Variants in CTNNA2 observed in about 807,000 individuals in gnomAD.
CTNNA2 encodes the protein catenin alpha-2.
CTNNA2 carries 42 observed loss-of-function variants against 101.0 expected under a neutral mutation model. That is an observed-to-expected ratio of 0.42 (90% CI 0.32 to 0.54). The LOEUF (loss-of-function observed/expected upper bound fraction) is 0.54, where lower values mean the gene tolerates loss of function less well. Ranked by LOEUF, CTNNA2 falls within the 20% of genes least tolerant of loss-of-function variation. The probability of loss-of-function intolerance (pLI) is 0.14; values close to 1 mark genes in which losing one functional copy is unlikely to be tolerated. For missense variants in CTNNA2, 871 were observed against 1,223.1 expected, an observed-to-expected ratio of 0.71 and a Z score of 4.29; for synonymous variants, 450 against 456.4, an observed-to-expected ratio of 0.99 and a Z score of 0.18.
Position 80,608,193 on chromosome 2 carries a change from T to G in CTNNA2, c.2305T>G (p.Ser769Ala). 6.2e-7 allele frequency: 1 copy of G among 1,609,766 alleles called. No individual in the cohort carries two copies. The highest frequency in any genetic ancestry group is 8.5e-7 in the Non-Finnish European group (1 of 1,177,006). The change falls in exon 17 of 19, where the codon TCA becomes GCA. Residue 769 changes from serine to alanine, a missense_variant. Coordinates refer to ENST00000402739, the MANE Select transcript of CTNNA2 (RefSeq NM_001282597.3). ...TTTTAATGTTTTATAGTGTCCTGAT[T>G]CAGCATGTAAGCAGGATTTATTAGC... is the stretch of plus-strand genomic sequence containing the variant. ...ARAVADQCPD[S>A]ACKQDLLAYL... is the part of the protein sequence containing the mutation.
intron 4 of CTNNA2, among the ~76,000 whole-genome samples, chr2:79,458,739 C>T (rs1397007521): frequency 6.6e-6 from 1 of 152,216 alleles, no homozygotes; most frequent in East Asian, 1.9e-4. Context: ...TAACCTTACC[C>T]ATTTTATTTT....
intron 2 of CTNNA2, among the ~76,000 whole-genome samples, chr2:79,657,250 A>T (rs1405743200): frequency 6.6e-6 from 1 of 151,936 alleles, no homozygotes; most frequent in Non-Finnish European, 1.5e-5. Flanking sequence ...GTAAATGAGA[A>T]AGCAGAAGTA....
At chr2:80,394,972 C>T (rs1677869532) in intron 8 of CTNNA2, among the ~76,000 whole-genome samples, 1 of 131,380 alleles carries the variant, frequency 7.6e-6, no homozygotes, top group Non-Finnish European at 1.5e-5. Flanking sequence ...GTAGTGATTA[C>T]ATTTTTTTTT....
intron 7 of CTNNA2, among the ~76,000 whole-genome samples, chr2:80,347,693 A>C (rs962499228): frequency 6.6e-6 from 1 of 152,002 alleles, no homozygotes; most frequent in African/African-American, 2.4e-5. Flanking sequence ...TAGGGTTGCT[A>C]CTCAAAGTGT....
At chr2:80,173,994 A>G (rs1705237729) in intron 7 of CTNNA2, among the ~76,000 whole-genome samples, 1 of 152,188 alleles carries the variant, frequency 6.6e-6, no homozygotes, top group East Asian at 1.9e-4. Flanking sequence ...AAGAAATGCT[A>G]AAGGATCCAT....
At chr2:80,337,616 A>C (rs57895601) in intron 7 of CTNNA2, among the ~76,000 whole-genome samples, 59,660 of 151,544 alleles carry the variant, frequency 0.39, 14,345 homozygotes, top group African/African-American at 0.68. Context: ...CACACACACA[A>C]ATACACACAC....
At chr2:80,309,515 T>C (rs1233421747) in intron 7 of CTNNA2, among the ~76,000 whole-genome samples, 1 of 152,124 alleles carries the variant, frequency 6.6e-6, no homozygotes, top group African/African-American at 2.4e-5. Context: ...AAAAAGACCT[T>C]GTTGGGATTT....
At chr2:79,844,935 A>C (rs912196704) in intron 3 of CTNNA2, among the ~76,000 whole-genome samples, 16 of 149,136 alleles carry the variant, frequency 1.1e-4, no homozygotes, top group African/African-American at 3.4e-4. Flanking sequence ...TCTCAAAGTC[A>C]TGATTAAAAG....
At chr2:79,861,247 A>T (rs1251067967) in intron 4 of CTNNA2, among the ~76,000 whole-genome samples, 1 of 152,198 alleles carries the variant, frequency 6.6e-6, no homozygotes, top group African/African-American at 2.4e-5. Context: ...AGTGTTACAC[A>T]TAGTATTCTA....
At chr2:80,093,152 T>C (rs1361397498) in intron 7 of CTNNA2, among the ~76,000 whole-genome samples, 1 of 151,946 alleles carries the variant, frequency 6.6e-6, no homozygotes, top group Non-Finnish European at 1.5e-5. Flanking sequence ...CTATCCCCCC[T>C]GCTCCCCCAA....
chr2:79,241,570 T>C (rs1397750299), intron 2 of CTNNA2, among the ~76,000 whole-genome samples: 2 of 152,264 alleles, frequency 1.3e-5, no homozygotes, highest in Non-Finnish European at 2.9e-5. Flanking sequence ...AATTAATGGG[T>C]TGTCATATGA....
chr2:80,518,184 T>C (rs1689250433), intron 9 of CTNNA2, among the ~76,000 whole-genome samples: 1 of 152,214 alleles, frequency 6.6e-6, no homozygotes. Context: ...ATATTTTTCA[T>C]ATTCAGTTAA....
intron 7 of CTNNA2, among the ~76,000 whole-genome samples, chr2:79,973,019 A>G (rs1450257865): frequency 6.6e-6 from 1 of 152,142 alleles, no homozygotes; most frequent in Non-Finnish European, 1.5e-5. Flanking sequence ...CCCATTTCAA[A>G]TTTCCATTGA....
chr2:79,829,857 C>G (rs1347123316), intron 3 of CTNNA2, among the ~76,000 whole-genome samples: 1 of 151,866 alleles, frequency 6.6e-6, no homozygotes. Context: ...GTAGCTGGGA[C>G]TACAGGCGCC....
At chr2:79,883,427 A>T (rs562487586) in intron 6 of CTNNA2, among the ~76,000 whole-genome samples, 169 of 152,346 alleles carry the variant, frequency 1.1e-3, no homozygotes, top group Non-Finnish European at 1.8e-3. Flanking sequence ...CAGTATTTTA[A>T]CAACTTGCAA....
chr2:80,542,734 A>T (rs1691681841), intron 9 of CTNNA2, among the ~76,000 whole-genome samples: 1 of 152,120 alleles, frequency 6.6e-6, no homozygotes, highest in African/African-American at 2.4e-5. Flanking sequence ...ACGGGGCAAA[A>T]ACAGCCATCA....
At chr2:80,608,873 T>A (rs909622117) in intron 17 of CTNNA2, among the ~76,000 whole-genome samples, 4 of 151,894 alleles carry the variant, frequency 2.6e-5, no homozygotes, top group African/African-American at 9.7e-5. Flanking sequence ...CTAACAATTA[T>A]ATATTCTTTG....
chr2:79,469,976 G>A (rs908745409), intron 4 of CTNNA2, among the ~76,000 whole-genome samples: 1 of 152,138 alleles, frequency 6.6e-6, no homozygotes, highest in Admixed American at 6.6e-5. Context: ...GCACAAGACA[G>A]GGATGCCCTC....
At chr2:79,540,248 A>G (rs1308298609) in intron 1 of CTNNA2, among the ~76,000 whole-genome samples, 1 of 152,180 alleles carries the variant, frequency 6.6e-6, no homozygotes, top group Non-Finnish European at 1.5e-5. Context: ...TAGGTACAAC[A>G]CCTGGCTCTG....
Sources: gnomAD v4.1 joint callset for allele counts (sites outside exome capture counted in the v4.1 genomes callset) on GRCh38, gnomAD v4.1.1 for gene constraint, MANE v1.5 for transcripts, NCBI Gene and HGNC (gene_info 2026-07-23, HGNC 2026-07-21) for gene names.